Variants in GDNF observed in about 807,000 individuals in gnomAD.
The protein encoded by GDNF is glial cell derived neurotrophic factor.
Under a neutral mutation model 13.7 loss-of-function variants are expected in GDNF, and 5 were observed. That is an observed-to-expected ratio of 0.36 (90% CI 0.19 to 0.77). The LOEUF (loss-of-function observed/expected upper bound fraction) is 0.77. Ranked by LOEUF, GDNF falls within the 30% of genes least tolerant of loss-of-function variation. The pLI, the probability that GDNF is intolerant of heterozygous loss-of-function variation, is 0.51. For missense variants in GDNF, 246 were observed against 274.3 expected (o/e 0.90, Z 0.73); for synonymous variants, 122 against 112.5 (o/e 1.08, Z -0.53).
In GDNF at chr5:37,814,003, G is replaced by C. The variant is rs1051878013; in HGVS notation, c.*1648C>G. 2.6e-5 allele frequency: 4 copies of C among 152,724 alleles called. No homozygotes were observed. In the South Asian group the frequency reaches 8.3e-4, roughly 32 times the overall value. The allele number at this position is 152,724 out of a possible 1,614,324, so 9.5% of individuals were successfully genotyped here. ...AGCTGTCAGGTGTTTGGGTATATAG[G>C]AGCAGCAGCTGTTGACCCCCGGTGA... On this transcript the variant is annotated 3_prime_UTR_variant, in exon 3 of 3. Transcript: ENST00000326524.
chr5:37,819,141 G>A (rs1390689099), intron 2 of GDNF, among the ~76,000 whole-genome samples: 1 of 152,148 alleles, frequency 6.6e-6, no homozygotes, highest in Non-Finnish European at 1.5e-5. Flanking sequence ...CATTTTACTA[G>A]GCGGAAAGAG....
intron 1 of GDNF, chr5:37,835,307 T>C (rs1157145285): frequency 1.8e-5 from 9 of 510,308 alleles, no homozygotes; most frequent in African/African-American, 1.6e-4. Flanking sequence ...GGTGTTTCTC[T>C]TTGGAAATAA....
chr5:37,836,058 T>C (rs1275215054), intron 1 of GDNF, among the ~76,000 whole-genome samples: 1 of 152,088 alleles, frequency 6.6e-6, no homozygotes, highest in African/African-American at 2.4e-5. Context: ...TGTTATCCAG[T>C]GCCTTCCTAA....
At chr5:37,823,628 T>A (rs952708907) in intron 2 of GDNF, among the ~76,000 whole-genome samples, 1 of 134,670 alleles carries the variant, frequency 7.4e-6, no homozygotes, top group African/African-American at 2.5e-5. Context: ...AGAGGCCCCA[T>A]CTCCGGAAGC....
rs1230947622 is a variant in GDNF at position 37,835,521 on chromosome 5, C to T, written c.-26-699G>A. 2.0e-6 allele frequency: 3 copies of T among 1,489,132 alleles called. No homozygotes were observed. The African/African-American group carries it at 4.2e-5, about 21-fold the overall frequency. 92.2% of individuals were successfully genotyped at this position (1,489,132 alleles called of 1,614,324 possible). On this transcript the variant is annotated intron_variant, in intron 1 of 2. Coordinates refer to ENST00000326524, the MANE Select transcript of GDNF (RefSeq NM_000514.4). Reference sequence around the variant, plus strand: ...ATCTGGTTTAAGTTACTTAACTTCCCAAAGCACTGATTCGATTTAAAATAC... The same window carrying T: ...ATCTGGTTTAAGTTACTTAACTTCCTAAAGCACTGATTCGATTTAAAATAC...
intron 2 of GDNF, among the ~76,000 whole-genome samples, chr5:37,820,083 G>C (rs992101729): frequency 7.9e-5 from 12 of 152,084 alleles, no homozygotes; most frequent in Admixed American, 2.6e-4. Flanking sequence ...TTTACAAAAG[G>C]ACTCACATCA....
At chr5:37,832,486 G>A (rs991402150) in intron 2 of GDNF, among the ~76,000 whole-genome samples, 2 of 152,130 alleles carry the variant, frequency 1.3e-5, no homozygotes, top group Non-Finnish European at 2.9e-5. Flanking sequence ...CTTTGGGAAC[G>A]TTTCTTTTTC....
intron 2 of GDNF, 90 bp downstream of exon 2, chr5:37,834,556 G>C: frequency 1.7e-6 from 2 of 1,195,878 alleles, no homozygotes; most frequent in African/African-American, 1.6e-5. Flanking sequence ...CAGCCATCAG[G>C]CTGGCTTGGG....
rs1242187506 is a variant in GDNF, at chr5:37,816,095, G to T, written c.192C>A (p.Val64=). 4 of 1,612,916 alleles carry T rather than the reference G, an allele frequency of 2.5e-6. No homozygotes were observed. In the African/African-American group the frequency reaches 5.3e-5, roughly 22 times the overall value. ...TAATGGTGGCTTGAATAAAATCCAT[G>T]ACATCATCGAACTGATCAGGATAAT... ...PEDYPDQFDD[V]MDFIQATIKR... Residue 64 remains valine (V), a synonymous_variant, in exon 3 of 3, where the codon GTC becomes GTA. Transcript: ENST00000326524.
intron 2 of GDNF, among the ~76,000 whole-genome samples, chr5:37,822,139 C>T (rs766254862): frequency 3.9e-5 from 6 of 152,128 alleles, no homozygotes; most frequent in Non-Finnish European, 7.4e-5. Context: ...GACACAACTC[C>T]TTATCCAGAA....
In GDNF at chr5:37,838,791, AG is replaced by A. The variant is rs1043510765; in HGVS notation, c.-27+715del. On this transcript the variant is annotated intron_variant, in intron 1 of 2. Transcript: ENST00000326524. This position sits in a 1 kb window ranked among gnomAD's most constrained non-coding sequence, Gnocchi z 4.1. ...AGGCGGCACAGAGTACAGGAGAAAA[AG>A]GGGTCATTAAAATAATAACCTCAAT... Among the ~76,000 whole-genome samples the A allele has an allele frequency of 4.6e-5, 7 of 152,190 alleles. No homozygotes were observed. The highest frequency in any genetic ancestry group is 1.7e-4 in the African/African-American group (7 of 41,450).
Position 37,834,797 on chromosome 5 carries a change from C to G in GDNF, c.-1G>C. 6.2e-7 allele frequency: 1 copy of G among 1,613,026 alleles called. No homozygotes were observed. Among genetic ancestry groups the G allele is most frequent in the Non-Finnish European group, 8.5e-7 (1 of 1,179,574 alleles). ...CAGCCACGACATCCCATAACTTCAT[C>G]TTAAAGTCCCGTCCGGCGGCGGCAC... On this transcript the variant is annotated 5_prime_UTR_variant, in exon 2 of 3. Coordinates refer to ENST00000326524, the MANE Select transcript of GDNF (RefSeq NM_000514.4).
chr5:37,834,530 G>A (rs1750627313), intron 2 of GDNF, 116 bp downstream of exon 2: 1 of 976,308 alleles, frequency 1.0e-6, no homozygotes, highest in Non-Finnish European at 1.4e-6. Context: ...CCTTGCCCAC[G>A]GGTCGGTAGG....
intron 2 of GDNF, among the ~76,000 whole-genome samples, chr5:37,825,908 C>G (rs959115991): frequency 6.6e-5 from 10 of 152,180 alleles, no homozygotes; most frequent in African/African-American, 1.9e-4. Flanking sequence ...ATTTCTACCC[C>G]CAGTGAGTGA....
At position 37,813,381 on chromosome 5, in the gene GDNF, C is replaced by G. The variant is rs575206657; in HGVS notation, c.*2270G>C. 2.0e-5 allele frequency: 3 copies of G among 152,132 alleles called. No homozygotes were observed. In the East Asian group the frequency reaches 5.8e-4, roughly 29 times the overall value. The allele number at this position is 152,132 out of a possible 1,614,324, so 9.4% of individuals were successfully genotyped here. ...ATCTGTCATAGTTTTATACTAGTAGCCACTAAGGTAGGTAGTAATAGATTA... is the reference window on the plus strand; with the variant it reads ...ATCTGTCATAGTTTTATACTAGTAGGCACTAAGGTAGGTAGTAATAGATTA... On this transcript the variant is annotated 3_prime_UTR_variant, in exon 3 of 3. Coordinates refer to ENST00000326524, the MANE Select transcript of GDNF (RefSeq NM_000514.4).
chr5:37,820,041 A>C (rs1345269543), intron 2 of GDNF, among the ~76,000 whole-genome samples: 1 of 152,208 alleles, frequency 6.6e-6, no homozygotes, highest in Non-Finnish European at 1.5e-5. Context: ...AAAATACAGA[A>C]GAGTCTTCAA....
chr5:37,815,741 G>A lies in GDNF; in HGVS notation c.546C>T (p.Ile182=), dbSNP rs370868962. The A allele has an allele frequency of 3.7e-6, 6 of 1,613,728 alleles. No homozygotes were observed. The highest frequency in any genetic ancestry group is 4.5e-5 in the East Asian group (2 of 44,892). The change falls in exon 3 of 3, where the codon ATC becomes ATT. Residue 182 remains isoleucine, a synonymous_variant. Transcript: ENST00000326524. This position sits in a 1 kb window ranked among gnomAD's most constrained non-coding sequence, Gnocchi z 5.0. Reference sequence around the variant, plus strand: ...AAAACGACAGGTCATCATCAAAGGCGATGGGTCTGCAACATGCCTGCCCTA... The same window carrying A: ...AAAACGACAGGTCATCATCAAAGGCAATGGGTCTGCAACATGCCTGCCCTA... ...DKVGQACCRP[I]AFDDDLSFLD...
chr5:37,831,741 T>C (rs1006002799), intron 2 of GDNF, among the ~76,000 whole-genome samples: 1 of 152,232 alleles, frequency 6.6e-6, no homozygotes. Context: ...GAAAATGCTA[T>C]GACATTTGCA....
At chr5:37,823,343 T>C (rs1750205081) in intron 2 of GDNF, 1 of 152,234 alleles carries the variant, frequency 6.6e-6, no homozygotes, top group African/African-American at 2.4e-5. Context: ...CATGCTGGTT[T>C]CACCTGTACA....
Sources: gnomAD v4.1 joint callset for allele counts (sites outside exome capture counted in the v4.1 genomes callset) on GRCh38, gnomAD v4.1.1 for gene constraint, Gnocchi (gnomAD v3.1) non-coding constraint, MANE v1.5 for transcripts, NCBI Gene and HGNC (gene_info 2026-07-23, HGNC 2026-07-21) for gene names.